Variants in MCC observed in about 807,000 individuals in gnomAD.
MCC encodes the protein MCC regulator of Wnt signaling pathway.
Under a neutral mutation model 116.2 loss-of-function variants are expected in MCC, and 90 were observed. That is an observed-to-expected ratio of 0.77 (90% CI 0.65 to 0.92). The LOEUF is 0.92. Ranked by LOEUF, MCC falls within the 40% of genes least tolerant of loss-of-function variation. The pLI, the probability that MCC is intolerant of heterozygous loss-of-function variation, is 0.00. For missense variants in MCC, 1,516 were observed against 1,312.2 expected (o/e 1.16, Z -2.40); for synonymous variants, 578 against 510.5 (o/e 1.13, Z -1.78).
intron 6 of MCC, among the ~76,000 whole-genome samples, chr5:113,119,895 G>A (rs80280063): frequency 2.6e-5 from 4 of 152,332 alleles, no homozygotes; most frequent in African/African-American, 7.2e-5. Context: ...GGCGCAGATA[G>A]GTGGACACTG....
intron 3 of MCC, among the ~76,000 whole-genome samples, chr5:113,334,413 G>A (rs1320674199): frequency 6.6e-6 from 1 of 151,000 alleles, no homozygotes; most frequent in Non-Finnish European, 1.5e-5. Flanking sequence ...TCACCATGTT[G>A]CCCAGGATGG....
chr5:113,152,889 T>C (rs1482543114), intron 3 of MCC, among the ~76,000 whole-genome samples: 2 of 152,196 alleles, frequency 1.3e-5, no homozygotes, highest in Non-Finnish European at 2.9e-5. Context: ...TGTCTTCTGA[T>C]GTAGGGCTAG....
At chr5:113,315,594 G>A (rs1031525105) in intron 3 of MCC, among the ~76,000 whole-genome samples, 4 of 151,376 alleles carry the variant, frequency 2.6e-5, no homozygotes, top group East Asian at 3.9e-4. Context: ...CAGGCCAGAC[G>A]CAGTGGCTCA....
chr5:113,437,383 A>G (rs1022803813), intron 1 of MCC, among the ~76,000 whole-genome samples: 1 of 152,082 alleles, frequency 6.6e-6, no homozygotes, highest in Non-Finnish European at 1.5e-5. Context: ...AAAGGGAGAG[A>G]AAAAAAATTC....
At chr5:113,394,321 G>A (rs934433950) in intron 1 of MCC, among the ~76,000 whole-genome samples, 43 of 152,026 alleles carry the variant, frequency 2.8e-4, no homozygotes, top group Non-Finnish European at 5.9e-5. Context: ...CTGGTTTACT[G>A]CATTGGTCTC....
rs896683835 is a variant in MCC, at chr5:113,026,135, A to G, written c.*1167T>C. 4.6e-5 allele frequency: 7 copies of G among 152,226 alleles called. No individual in the cohort carries two copies. Among genetic ancestry groups the G allele is most frequent in the African/African-American group, 1.7e-4 (7 of 41,454 alleles). The allele number at this position is 152,226 out of a possible 1,614,324, so 9.4% of individuals were successfully genotyped here. On this transcript the variant is annotated 3_prime_UTR_variant, in exon 19 of 19. Coordinates refer to ENST00000408903, the MANE Select transcript of MCC (RefSeq NM_001085377.2). ...TTTGGTACTGCCTAGCCCTGTAAGC[A>G]TTTTGCTTGAAATTTAACCTTTTAA...
intron 3 of MCC, among the ~76,000 whole-genome samples, chr5:113,332,649 G>C (rs928666629): frequency 6.6e-6 from 1 of 150,588 alleles, no homozygotes; most frequent in Non-Finnish European, 1.5e-5. Flanking sequence ...GGACTGCAAA[G>C]TTAGTTACAA....
intron 3 of MCC, among the ~76,000 whole-genome samples, chr5:113,261,641 T>A (rs183139712): frequency 1.5e-4 from 23 of 152,284 alleles, no homozygotes; most frequent in African/African-American, 5.5e-4. Flanking sequence ...TAAGTTAGAT[T>A]TACAATTTTT....
At chr5:113,397,921 A>T (rs1769570852) in intron 1 of MCC, among the ~76,000 whole-genome samples, 1 of 152,252 alleles carries the variant, frequency 6.6e-6, no homozygotes, top group African/African-American at 2.4e-5. Flanking sequence ...AATGGGAGAA[A>T]ATATTCACAA....
intron 8 of MCC, among the ~76,000 whole-genome samples, chr5:113,089,162 TAAACATTATGATGGG>T (rs1273307841): frequency 4.6e-4 from 70 of 152,244 alleles, no homozygotes; most frequent in African/African-American, 1.4e-3. Flanking sequence ...GCGTGTCTGG[TAAACATTATGATGGG>T]AAACATGCTC....
At chr5:113,118,164 G>T (rs971707793) in intron 6 of MCC, among the ~76,000 whole-genome samples, 2 of 152,196 alleles carry the variant, frequency 1.3e-5, no homozygotes, top group African/African-American at 4.8e-5. Context: ...AAACATGAGG[G>T]ATGCATGTAA....
intron 3 of MCC, among the ~76,000 whole-genome samples, chr5:113,158,362 C>T (rs560558231): frequency 1.3e-5 from 2 of 152,212 alleles, no homozygotes; most frequent in African/African-American, 2.4e-5. Flanking sequence ...CATTAAAGGA[C>T]ACTTAATTTC....
At position 113,144,112 on chromosome 5, in the gene MCC, T is replaced by C. The variant is rs1052126829; in HGVS notation, c.742-752A>G. Among the ~76,000 whole-genome samples the C allele has an allele frequency of 2.0e-5, 3 of 152,294 alleles. No individual in the cohort carries two copies. In the South Asian group the frequency reaches 6.2e-4, roughly 32 times the overall value. On this transcript the variant is annotated intron_variant, in intron 4 of 18. Transcript: ENST00000408903. ...GGAATGAATGGATGACGATATATCA[T>C]CGTCATGAAAACTGCTTAGCAGAAA...
intron 3 of MCC, among the ~76,000 whole-genome samples, chr5:113,319,131 G>A (rs1400952809): frequency 1.3e-5 from 2 of 152,180 alleles, no homozygotes; most frequent in East Asian, 3.8e-4. Flanking sequence ...GCCACACAAA[G>A]TGCTGAAACT....
At chr5:113,358,409 C>A (rs1768465404) in intron 2 of MCC, among the ~76,000 whole-genome samples, 1 of 152,108 alleles carries the variant, frequency 6.6e-6, no homozygotes, top group Non-Finnish European at 1.5e-5. Flanking sequence ...CTCTGGCCAC[C>A]CCTCTGTTTT....
At chr5:113,307,050 A>G (rs1561517583) in intron 3 of MCC, among the ~76,000 whole-genome samples, 2 of 152,156 alleles carry the variant, frequency 1.3e-5, no homozygotes. Flanking sequence ...CATCTTGGTT[A>G]TTGGAGTTTC....
chr5:113,206,241 C>A (rs1363063703), intron 3 of MCC, among the ~76,000 whole-genome samples: 1 of 152,306 alleles, frequency 6.6e-6, no homozygotes, highest in African/African-American at 2.4e-5. Flanking sequence ...TCCTCGGATG[C>A]CCCACCCAGT....
chr5:113,236,133 TGCAGAATGA>T (rs148812904), intron 3 of MCC, among the ~76,000 whole-genome samples: 2,178 of 152,308 alleles, frequency 0.014, 53 homozygotes, highest in African/African-American at 0.05. Flanking sequence ...CTCTCTGATC[TGCAGAATGA>T]GTCACACTCC....
At chr5:113,163,783 A>T (rs1214503397) in intron 3 of MCC, among the ~76,000 whole-genome samples, 1 of 152,228 alleles carries the variant, frequency 6.6e-6, no homozygotes, top group Non-Finnish European at 1.5e-5. Flanking sequence ...TATCTGTCAG[A>T]CATTTCTGTA....
Sources: gnomAD v4.1 joint callset for allele counts (sites outside exome capture counted in the v4.1 genomes callset) on GRCh38, gnomAD v4.1.1 for gene constraint, MANE v1.5 for transcripts, NCBI Gene and HGNC (gene_info 2026-07-23, HGNC 2026-07-21) for gene names.